REDIC1: variants seen among roughly 807,000 people sequenced by gnomAD.
The protein encoded by REDIC1 is HEI10 Interacting Protein 1.
the REDIC1 span, among the ~76,000 whole-genome samples, chr12:39,711,481 G>A: frequency 7.1e-6 from 1 of 140,622 alleles, no homozygotes; most frequent in Admixed American, 7.1e-5. Context: ...ATATGTATGT[G>A]TATATATGTA....
At chr12:39,747,978 A>C in the REDIC1 span, among the ~76,000 whole-genome samples, 1 of 152,252 alleles carries the variant, frequency 6.6e-6, no homozygotes, top group Non-Finnish European at 1.5e-5. Context: ...AAATCTTGCC[A>C]AATTGTAAAG....
chr12:39,639,312 T>C, the REDIC1 span, among the ~76,000 whole-genome samples: 3,084 of 152,078 alleles, frequency 0.02, 42 homozygotes, highest in South Asian at 0.029. Flanking sequence ...AAGACATAGC[T>C]AATGAGTCAG....
chr12:39,734,581 AT>A, the REDIC1 span, among the ~76,000 whole-genome samples: 37 of 152,068 alleles, frequency 2.4e-4, no homozygotes, highest in African/African-American at 8.9e-4. Flanking sequence ...GGTTATTAGG[AT>A]TTTTTATGTT....
chr12:39,709,970 C>A, the REDIC1 span, among the ~76,000 whole-genome samples: 2 of 151,702 alleles, frequency 1.3e-5, no homozygotes, highest in Non-Finnish European at 2.9e-5. Context: ...TTTTCTACAT[C>A]CTTGCCAATA....
chr12:39,747,644 A>C, the REDIC1 span, among the ~76,000 whole-genome samples: 1 of 152,198 alleles, frequency 6.6e-6, no homozygotes, highest in African/African-American at 2.4e-5. Context: ...CCAAAGCTGA[A>C]ATGAAGGAAA....
the REDIC1 span, among the ~76,000 whole-genome samples, chr12:39,887,958 T>G: frequency 6.6e-6 from 1 of 152,216 alleles, no homozygotes; most frequent in Admixed American, 6.5e-5. Context: ...AGAGTCAGTT[T>G]GCCCCTGCTT....
chr12:39,821,975 T>G, the REDIC1 span, among the ~76,000 whole-genome samples: 2 of 152,054 alleles, frequency 1.3e-5, no homozygotes, highest in South Asian at 4.1e-4. Context: ...ATGTGCAGGT[T>G]AGTTACATAT....
the REDIC1 span, among the ~76,000 whole-genome samples, chr12:39,688,507 T>C: frequency 6.6e-5 from 10 of 152,302 alleles, no homozygotes; most frequent in African/African-American, 2.4e-4. Context: ...TGATAAAGGG[T>C]GCAGGAGTGG....
chr12:39,728,780 CTTTTTT>C, the REDIC1 span, among the ~76,000 whole-genome samples: 1 of 92,188 alleles, frequency 1.1e-5, no homozygotes, highest in Non-Finnish European at 2.0e-5. Context: ...TGGTCCTGGG[CTTTTTT>C]TTTTTTTTTT....
chr12:39,906,074 CTTGT>C, the REDIC1 span, among the ~76,000 whole-genome samples: 1 of 152,080 alleles, frequency 6.6e-6, no homozygotes, highest in Admixed American at 6.6e-5. Context: ...GATAGACAAA[CTTGT>C]TTGTAATAAA....
the REDIC1 span, among the ~76,000 whole-genome samples, chr12:39,651,705 T>A: frequency 6.6e-6 from 1 of 152,172 alleles, no homozygotes; most frequent in East Asian, 1.9e-4. Flanking sequence ...ACAGTTCTTT[T>A]TTGTTCTGAG....
At chr12:39,787,418 C>T in the REDIC1 span, among the ~76,000 whole-genome samples, 11 of 152,272 alleles carry the variant, frequency 7.2e-5, no homozygotes, top group Admixed American at 5.2e-4. Context: ...TTACACATTA[C>T]AATATTCCCT....
chr12:39,868,367 TAC>T, the REDIC1 span, among the ~76,000 whole-genome samples: 1 of 152,194 alleles, frequency 6.6e-6, no homozygotes, highest in Non-Finnish European at 1.5e-5. Flanking sequence ...CAGTACCAGG[TAC>T]AGTGTTTGGC....
chr12:39,695,767 G>T, the REDIC1 span, among the ~76,000 whole-genome samples: 1 of 152,138 alleles, frequency 6.6e-6, no homozygotes, highest in Admixed American at 6.5e-5. Flanking sequence ...ATAGGCAGTA[G>T]CCAGGTAGTG....
At chr12:39,806,102 T>C in the REDIC1 span, among the ~76,000 whole-genome samples, 1 of 152,200 alleles carries the variant, frequency 6.6e-6, no homozygotes, top group South Asian at 2.1e-4. Flanking sequence ...CAAAATCAAT[T>C]TGTATACAAA....
the REDIC1 span, among the ~76,000 whole-genome samples, chr12:39,766,457 T>C: frequency 6.6e-6 from 1 of 152,098 alleles, no homozygotes; most frequent in Non-Finnish European, 1.5e-5. Flanking sequence ...CATCATCTTT[T>C]TGGTGGAGGG....
the REDIC1 span, among the ~76,000 whole-genome samples, chr12:39,817,655 AACT>A: frequency 3.3e-5 from 5 of 152,218 alleles, no homozygotes; most frequent in African/African-American, 9.7e-5. Flanking sequence ...CATAAAATGT[AACT>A]ACTATTTCAG....
At chr12:39,730,371 A>G in the REDIC1 span, among the ~76,000 whole-genome samples, 21 of 152,178 alleles carry the variant, frequency 1.4e-4, no homozygotes, top group African/African-American at 4.8e-4. Context: ...AAAATTTTTC[A>G]GCATTTGCTT....
At chr12:39,765,300 G>A in the REDIC1 span, among the ~76,000 whole-genome samples, 5 of 152,140 alleles carry the variant, frequency 3.3e-5, no homozygotes, top group East Asian at 9.7e-4. Flanking sequence ...CCTGTAAAGG[G>A]TGATGGGGTG....
Sources: gnomAD v4.1 joint callset for allele counts (sites outside exome capture counted in the v4.1 genomes callset) on GRCh38, gnomAD v4.1.1 for gene constraint, MANE v1.5 for transcripts, NCBI Gene and HGNC (gene_info 2026-07-23, HGNC 2026-07-21) for gene names.